Variants in CACNA1C observed in about 807,000 individuals in gnomAD.
The protein encoded by CACNA1C is voltage-dependent L-type calcium channel subunit alpha-1C.
A neutral mutation model predicts 229.0 loss-of-function variants in CACNA1C; 30 were observed. The observed-to-expected ratio is 0.13, with a 90% CI of 0.10 to 0.18. CACNA1C has a LOEUF of 0.18. Among genes scored for constraint, CACNA1C ranks in the 10% least tolerant of loss-of-function variants. The pLI is 1.00. For synonymous variants in CACNA1C, 1,114 were observed against 1,132.5 expected (o/e 0.98, Z 0.33); for missense variants, 1,658 against 2,845.0 (o/e 0.58, Z 9.49).
At chr12:2,026,143 G>A (rs1403488684) in intron 1 of CACNA1C, among the ~76,000 whole-genome samples, 1 of 152,198 alleles carries the variant, frequency 6.6e-6, no homozygotes, top group Non-Finnish European at 1.5e-5. Context: ...GAGTATAAAT[G>A]ATCAACAATT....
intron 3 of CACNA1C, among the ~76,000 whole-genome samples, chr12:2,121,192 A>G (rs1479651960): frequency 6.6e-6 from 1 of 152,230 alleles, no homozygotes; most frequent in African/African-American, 2.4e-5. Flanking sequence ...CCTCCATTGC[A>G]GAGACACCGT....
intron 12 of CACNA1C, among the ~76,000 whole-genome samples, chr12:2,567,302 C>G (rs563677992): frequency 6.6e-6 from 1 of 152,340 alleles, no homozygotes; most frequent in African/African-American, 2.4e-5. Context: ...GTGGTACCAT[C>G]CCCACAGGCC....
intron 3 of CACNA1C, among the ~76,000 whole-genome samples, chr12:2,227,868 A>G (rs1043350091): frequency 1.3e-5 from 2 of 151,940 alleles, no homozygotes; most frequent in African/African-American, 2.4e-5. Context: ...CTTACAACTT[A>G]CAACTTTGAC....
chr12:2,580,733 C>T (rs2060187871), intron 13 of CACNA1C, among the ~76,000 whole-genome samples: 1 of 152,198 alleles, frequency 6.6e-6, no homozygotes, highest in African/African-American at 2.4e-5. Flanking sequence ...GTGGGGACCT[C>T]CTCCCCAGGA....
chr12:2,545,295 C>T (rs1373101462), intron 9 of CACNA1C, among the ~76,000 whole-genome samples: 1 of 141,274 alleles, frequency 7.1e-6, no homozygotes, highest in Middle Eastern at 4.0e-3. Context: ...AAATGCCTAA[C>T]AACCATAGAA....
chr12:2,092,460 G>C (rs147008112), intron 1 of CACNA1C, among the ~76,000 whole-genome samples: 1 of 152,174 alleles, frequency 6.6e-6, no homozygotes, highest in Non-Finnish European at 1.5e-5. Context: ...ATGGGCATCC[G>C]TATTCAAGGA....
chr12:2,458,340 G>A (rs1009026333), intron 5 of CACNA1C, among the ~76,000 whole-genome samples: 1 of 152,144 alleles, frequency 6.6e-6, no homozygotes, highest in African/African-American at 2.4e-5. Context: ...TCAGTCACAT[G>A]GACAATGCCT....
chr12:2,260,174 TG>T (rs1277140750), intron 3 of CACNA1C, among the ~76,000 whole-genome samples: 1 of 151,858 alleles, frequency 6.6e-6, no homozygotes, highest in Admixed American at 6.6e-5. Flanking sequence ...TGACACAATC[TG>T]GGGAAAAAAG....
chr12:2,124,836 CG>C (rs1002530373), intron 3 of CACNA1C, among the ~76,000 whole-genome samples: 1 of 152,084 alleles, frequency 6.6e-6, no homozygotes, highest in African/African-American at 2.4e-5. Context: ...GGGAATGATG[CG>C]TACGATTAGG....
intron 9 of CACNA1C, 99 bp downstream of exon 9, chr12:2,513,083 G>A: frequency 2.1e-6 from 2 of 953,786 alleles, no homozygotes; most frequent in Admixed American, 2.7e-5. Context: ...TTTCTTAGAA[G>A]CCCACGGGGT....
In CACNA1C at chr12:2,550,007, G is replaced by A; in HGVS notation, c.1455G>A (p.Glu485=). The change falls in exon 10 of 47, where the codon GAG becomes GAA. Residue 485 remains glutamate, a synonymous_variant. Transcript: ENST00000399655. Reference sequence around the variant, plus strand: ...AAAACGTGGCTGGAGGTGACATCGAGGGAGAAAACTGCGGGGCCAGGCTGG... The same window carrying A: ...AAAACGTGGCTGGAGGTGACATCGAAGGAGAAAACTGCGGGGCCAGGCTGG... The part of the protein sequence containing the change: ...NTENVAGGDI[E]GENCGARLAH... The A allele has an allele frequency of 6.2e-7, 1 of 1,607,506 alleles. No individual in the cohort carries two copies. Among genetic ancestry groups the A allele is most frequent in the Non-Finnish European group, 8.5e-7 (1 of 1,176,964 alleles).
chr12:2,173,795 T>C (rs2154267463), intron 3 of CACNA1C, among the ~76,000 whole-genome samples: 1 of 152,236 alleles, frequency 6.6e-6, no homozygotes, highest in South Asian at 2.1e-4. Flanking sequence ...GGGCTAACTA[T>C]AGTACCTACT....
At chr12:2,405,289 A>G (rs2098723682) in intron 3 of CACNA1C, among the ~76,000 whole-genome samples, 1 of 152,168 alleles carries the variant, frequency 6.6e-6, no homozygotes, top group African/African-American at 2.4e-5. Context: ...CTGACTTTGG[A>G]ACAACGTGCA....
intron 3 of CACNA1C, among the ~76,000 whole-genome samples, chr12:2,124,109 CGTGTGT>C (rs36202591): frequency 0.33 from 48,272 of 145,302 alleles, 8,372 homozygotes; most frequent in African/African-American, 0.4. Context: ...TGGTCTAGCT[CGTGTGT>C]GTGTGTGTGT....
intron 1 of CACNA1C, among the ~76,000 whole-genome samples, chr12:2,084,293 C>T (rs74497275): frequency 0.016 from 2,410 of 152,282 alleles, 56 homozygotes; most frequent in African/African-American, 0.055. Context: ...CTAACTTCAA[C>T]ACGCAGCCAT....
At chr12:2,491,056 A>G (rs1490001059) in intron 6 of CACNA1C, among the ~76,000 whole-genome samples, 2 of 152,266 alleles carry the variant, frequency 1.3e-5, no homozygotes, top group African/African-American at 2.4e-5. Context: ...AAAGAGGAAC[A>G]GAGCCTACTG....
chr12:2,457,460 A>G, intron 4 of CACNA1C, 107 bp from the exon 5 acceptor site: 1 of 1,211,182 alleles, frequency 8.3e-7, no homozygotes, highest in African/African-American at 1.5e-5. Context: ...CCTGGGCTGG[A>G]GACGCCTGCG....
At chr12:2,267,726 C>T (rs1018725519) in intron 3 of CACNA1C, among the ~76,000 whole-genome samples, 2 of 152,192 alleles carry the variant, frequency 1.3e-5, no homozygotes, top group African/African-American at 2.4e-5. Flanking sequence ...CAGGCAGCTG[C>T]ACTCAGCTTC....
chr12:2,574,113 A>G lies in CACNA1C; in HGVS notation c.1895+6319A>G, dbSNP rs184863130. On this transcript the variant is annotated intron_variant, in intron 13 of 46. Transcript: ENST00000399655. ...AAAAAGGCCAGGAAGCCTGTACTAG[A>G]CTGTAAGAAAATTACTTTATAGAAA... Among the ~76,000 whole-genome samples the G allele has an allele frequency of 3.4e-4, 52 of 152,282 alleles. No homozygotes were observed. In the East Asian group the frequency reaches 3.9e-3, roughly 11 times the overall value.
Sources: gnomAD v4.1 joint callset for allele counts (sites outside exome capture counted in the v4.1 genomes callset) on GRCh38, gnomAD v4.1.1 for gene constraint, MANE v1.5 for transcripts, NCBI Gene and HGNC (gene_info 2026-07-23, HGNC 2026-07-21) for gene names.